CDH13: variants seen among roughly 807,000 people sequenced by gnomAD.
CDH13 encodes the protein cadherin-13.
A neutral mutation model predicts 63.8 loss-of-function variants in CDH13; 24 were observed. The observed-to-expected ratio is 0.38, with a 90% CI of 0.27 to 0.53. The LOEUF (loss-of-function observed/expected upper bound fraction) is 0.53, where lower values mean the gene tolerates loss of function less well. Among genes scored for constraint, CDH13 ranks in the 20% least tolerant of loss-of-function variants. The pLI is 0.85. For missense variants in CDH13, 1,049 were observed against 903.1 expected, an observed-to-expected ratio of 1.16 and a Z score of -2.07; for synonymous variants, 503 against 355.3, an observed-to-expected ratio of 1.42 and a Z score of -4.67.
intron 7 of CDH13, among the ~76,000 whole-genome samples, chr16:83,500,294 C>CTTT (rs1567715252): frequency 6.3e-4 from 1 of 1,580 alleles, no homozygotes. Flanking sequence ...TCTTCTTCTT[C>CTTT]TCCTTCTCCT....
intron 2 of CDH13, among the ~76,000 whole-genome samples, chr16:82,920,869 T>A (rs2042132855): frequency 6.6e-6 from 1 of 152,348 alleles, no homozygotes; most frequent in African/African-American, 2.4e-5. Context: ...CCCTGAAGGC[T>A]TTTCAGATGT....
At chr16:83,536,458 G>A (rs1757306099) in intron 7 of CDH13, among the ~76,000 whole-genome samples, 1 of 152,118 alleles carries the variant, frequency 6.6e-6, no homozygotes, top group Admixed American at 6.5e-5. Flanking sequence ...ATCACAGGGA[G>A]AGAGAAAAGG....
intron 4 of CDH13, among the ~76,000 whole-genome samples, chr16:83,214,165 G>A (rs2039424406): frequency 6.6e-6 from 1 of 152,082 alleles, no homozygotes; most frequent in Non-Finnish European, 1.5e-5. Context: ...GGCAGAGAGG[G>A]GTGAAGCAAT....
intron 8 of CDH13, among the ~76,000 whole-genome samples, chr16:83,644,979 AC>A (rs1911655959): frequency 6.6e-6 from 1 of 152,070 alleles, no homozygotes; most frequent in South Asian, 2.1e-4. Context: ...TGGACTTCAA[AC>A]CTACAAGCTC....
intron 10 of CDH13, among the ~76,000 whole-genome samples, chr16:83,706,911 G>T (rs1223383565): frequency 1.8e-5 from 2 of 110,044 alleles, no homozygotes; most frequent in African/African-American, 3.8e-5. Flanking sequence ...GTCCTGGGTG[G>T]CCTGTCTTGA....
intron 1 of CDH13, among the ~76,000 whole-genome samples, chr16:82,740,555 G>A (rs987980033): frequency 6.6e-6 from 1 of 152,158 alleles, no homozygotes; most frequent in Admixed American, 6.5e-5. Flanking sequence ...TGCTCCATAG[G>A]CTGAGGGGTT....
intron 2 of CDH13, among the ~76,000 whole-genome samples, chr16:82,989,872 C>G (rs1911437835): frequency 6.6e-6 from 1 of 152,126 alleles, no homozygotes; most frequent in Non-Finnish European, 1.5e-5. Flanking sequence ...TCCCTGGGAC[C>G]TAATCATAGA....
intron 1 of CDH13, among the ~76,000 whole-genome samples, chr16:82,731,594 T>C (rs992474860): frequency 2.0e-5 from 3 of 152,234 alleles, no homozygotes; most frequent in African/African-American, 7.2e-5. Flanking sequence ...TTATTTTCAA[T>C]CTTGCTTGTT....
intron 2 of CDH13, among the ~76,000 whole-genome samples, chr16:82,982,256 T>C (rs1477878013): frequency 2.0e-5 from 3 of 152,124 alleles, no homozygotes; most frequent in Admixed American, 2.0e-4. Flanking sequence ...TAAATAATAC[T>C]TATCTTATAA....
intron 10 of CDH13, among the ~76,000 whole-genome samples, chr16:83,699,872 T>G (rs1905955779): frequency 6.6e-6 from 1 of 152,178 alleles, no homozygotes; most frequent in African/African-American, 2.4e-5. Flanking sequence ...CAGCACATAT[T>G]GGGACTCTTC....
chr16:82,794,587 A>T (rs1355944035), intron 1 of CDH13, among the ~76,000 whole-genome samples: 1 of 152,100 alleles, frequency 6.6e-6, no homozygotes, highest in Non-Finnish European at 1.5e-5. Flanking sequence ...TGGTTAATTT[A>T]GAAAATATTT....
At chr16:82,707,245 G>C (rs970207059) in intron 1 of CDH13, among the ~76,000 whole-genome samples, 3 of 152,200 alleles carry the variant, frequency 2.0e-5, no homozygotes, top group Non-Finnish European at 4.4e-5. Context: ...CATTGCTAAT[G>C]AGGCTATGTA....
chr16:83,271,028 A>G (rs538097559), intron 5 of CDH13, among the ~76,000 whole-genome samples: 2 of 151,318 alleles, frequency 1.3e-5, no homozygotes, highest in East Asian at 3.9e-4. Context: ...TCTAAGTGCT[A>G]AGTATACAGC....
intron 3 of CDH13, among the ~76,000 whole-genome samples, chr16:83,120,759 C>CT (rs1476338366): frequency 2.2e-4 from 10 of 45,952 alleles, no homozygotes; most frequent in Admixed American, 3.2e-4. Flanking sequence ...CTCTAATTTT[C>CT]TTTCTTTTTT....
intron 1 of CDH13, among the ~76,000 whole-genome samples, chr16:82,792,082 T>G (rs2036335744): frequency 6.6e-6 from 1 of 152,190 alleles, no homozygotes; most frequent in Admixed American, 6.5e-5. Flanking sequence ...GACGGATCTG[T>G]GACTGGCTTC....
intron 6 of CDH13, among the ~76,000 whole-genome samples, chr16:83,396,979 C>T (rs1214172392): frequency 1.3e-5 from 2 of 152,166 alleles, no homozygotes; most frequent in Middle Eastern, 3.2e-3. Flanking sequence ...CATGGTTACA[C>T]AGCTACTAGT....
intron 3 of CDH13, among the ~76,000 whole-genome samples, chr16:83,106,528 G>A (rs972391990): frequency 3.3e-5 from 5 of 152,136 alleles, no homozygotes; most frequent in African/African-American, 7.2e-5. Context: ...GCGACAAGGC[G>A]AGACTCCACC....
chr16:83,344,753 C>A, intron 5 of CDH13, 109 bp from the exon 6 acceptor site: 6 of 1,190,846 alleles, frequency 5.0e-6, no homozygotes, highest in Non-Finnish European at 7.2e-6. Flanking sequence ...TCAATATTGC[C>A]AAGGGCTCAT....
At chr16:82,726,251 T>C (rs1436420898) in intron 1 of CDH13, among the ~76,000 whole-genome samples, 2 of 152,174 alleles carry the variant, frequency 1.3e-5, no homozygotes, top group African/African-American at 2.4e-5. Context: ...AAACTTTTCC[T>C]GTAAAGTAAA....
Sources: allele counts gnomAD v4.1 joint callset (sites outside exome capture counted in the v4.1 genomes callset), GRCh38; gene constraint gnomAD v4.1.1; transcripts MANE v1.5; gene names NCBI Gene and HGNC (gene_info 2026-07-23, HGNC 2026-07-21).